FMN1: variants seen among roughly 807,000 people sequenced by gnomAD.
The protein encoded by FMN1 is formin 1, also known as formin-1.
Under a neutral mutation model 132.4 loss-of-function variants are expected in FMN1, and 110 were observed. The ratio of observed to expected loss-of-function variants is 0.83; its 90% confidence interval spans 0.71 to 0.97. FMN1 has a LOEUF of 0.97. Among genes scored for constraint, FMN1 ranks in the 50% least tolerant of loss-of-function variants. The pLI, the probability that FMN1 is intolerant of heterozygous loss-of-function variation, is 0.00. For missense variants in FMN1, 1,792 were observed against 1,705.3 expected, an observed-to-expected ratio of 1.05 and a Z score of -0.90; for synonymous variants, 722 against 651.7, an observed-to-expected ratio of 1.11 and a Z score of -1.64.
At chr15:33,169,015 T>C (rs1246544049) in intron 3 of FMN1, among the ~76,000 whole-genome samples, 1 of 152,194 alleles carries the variant, frequency 6.6e-6, no homozygotes, top group Admixed American at 6.5e-5. Context: ...CGATACTTTA[T>C]ACAAAAATCT....
At chr15:33,102,216 G>T (rs538548078) in intron 4 of FMN1, among the ~76,000 whole-genome samples, 3 of 152,050 alleles carry the variant, frequency 2.0e-5, no homozygotes, top group South Asian at 2.1e-4. Context: ...CTGTGTCTTT[G>T]TAAGTATTAC....
intron 7 of FMN1, among the ~76,000 whole-genome samples, chr15:32,976,915 T>C (rs958143688): frequency 9.2e-5 from 14 of 152,200 alleles, no homozygotes; most frequent in African/African-American, 3.4e-4. Flanking sequence ...TATGCTAGCC[T>C]TCATCCTTGT....
Position 32,770,018 on chromosome 15 carries a change from G to A in FMN1, c.*4292C>T, listed in dbSNP as rs1487951446. The A allele has an allele frequency of 1.3e-5, 2 of 152,132 alleles. No individual in the cohort carries two copies. The highest frequency in any genetic ancestry group is 2.1e-4 in the South Asian group (1 of 4,830). 9.4% of individuals were successfully genotyped at this position (152,132 alleles called of 1,614,324 possible). On this transcript the variant is annotated 3_prime_UTR_variant, in exon 21 of 21. Transcript: ENST00000616417. The stretch of plus-strand genomic sequence containing the variant: ...CAATTTAAACTGTTTTATAAAATCA[G>A]ATATTTAATATTTGGATCAGATATG...
At chr15:32,845,568 C>T (rs541701003) in intron 17 of FMN1, among the ~76,000 whole-genome samples, 19 of 152,228 alleles carry the variant, frequency 1.2e-4, no homozygotes, top group Middle Eastern at 3.4e-3. Context: ...ACAGTAACAA[C>T]GCTGGGATTG....
chr15:33,073,311 A>C (rs2038069636), intron 5 of FMN1, among the ~76,000 whole-genome samples: 1 of 152,214 alleles, frequency 6.6e-6, no homozygotes, highest in South Asian at 2.1e-4. Flanking sequence ...TTTAATGACA[A>C]ATTGCTTCTA....
chr15:33,068,096 A>G, intron 5 of FMN1: 1 of 1,313,672 alleles, frequency 7.6e-7, no homozygotes, highest in South Asian at 1.7e-5. Flanking sequence ...GGCAACTGTG[A>G]AAAATCTGTG....
chr15:32,795,252 G>C (rs751135197), intron 19 of FMN1, among the ~76,000 whole-genome samples: 28 of 152,116 alleles, frequency 1.8e-4, no homozygotes, highest in Non-Finnish European at 3.8e-4. Context: ...GTGAGGCAAG[G>C]TAGCTATAGA....
intron 17 of FMN1, among the ~76,000 whole-genome samples, chr15:32,835,129 G>A (rs1267208490): frequency 6.6e-6 from 1 of 152,046 alleles, no homozygotes; most frequent in Non-Finnish European, 1.5e-5. Context: ...TAGTGAGCAG[G>A]CCCATGAGGA....
intron 17 of FMN1, among the ~76,000 whole-genome samples, chr15:32,814,419 C>T (rs73386832): frequency 0.017 from 2,553 of 152,232 alleles, 83 homozygotes; most frequent in African/African-American, 0.058. Flanking sequence ...TCATTTCCAA[C>T]GGGAAGGGTC....
chr15:32,817,202 T>C (rs1171287066), intron 17 of FMN1, among the ~76,000 whole-genome samples: 2 of 152,208 alleles, frequency 1.3e-5, no homozygotes, highest in South Asian at 2.1e-4. Flanking sequence ...TGTTTAGTCA[T>C]AAAAATGAAT....
intron 17 of FMN1, chr15:32,837,006 G>A: frequency 4.5e-6 from 1 of 223,374 alleles, no homozygotes. Flanking sequence ...CATTCCAATT[G>A]TCTCCTGGGA....
At chr15:32,923,257 T>G (rs975896568) in intron 10 of FMN1, among the ~76,000 whole-genome samples, 5 of 152,172 alleles carry the variant, frequency 3.3e-5, no homozygotes, top group Admixed American at 3.3e-4. Context: ...TAAAATAAAC[T>G]TTTTAGGCCA....
intron 5 of FMN1, among the ~76,000 whole-genome samples, chr15:33,083,322 AG>A (rs1315117280): frequency 6.6e-6 from 1 of 152,200 alleles, no homozygotes; most frequent in Non-Finnish European, 1.5e-5. Context: ...TATTGGTGAA[AG>A]GGGCATCTTT....
At chr15:33,171,711 T>C (rs1965328240) in intron 3 of FMN1, among the ~76,000 whole-genome samples, 2 of 152,204 alleles carry the variant, frequency 1.3e-5, no homozygotes, top group African/African-American at 4.8e-5. Flanking sequence ...TCAGTCTTAA[T>C]TTCCTTCCCA....
chr15:33,076,597 ATGCAAGTTTTCT>A (rs1221119688), intron 5 of FMN1, among the ~76,000 whole-genome samples: 1 of 152,160 alleles, frequency 6.6e-6, no homozygotes, highest in East Asian at 1.9e-4. Context: ...TCGGTTCTTT[ATGCAAGTTTTCT>A]TGCAGCCTCA....
chr15:33,186,147 C>G (rs1199940881), intron 2 of FMN1, among the ~76,000 whole-genome samples: 1 of 151,528 alleles, frequency 6.6e-6, no homozygotes, highest in Non-Finnish European at 1.5e-5. Context: ...AAGGAAGCCT[C>G]ATGGCCTTCC....
chr15:33,050,165 C>T (rs896065486), intron 6 of FMN1, among the ~76,000 whole-genome samples: 2 of 152,108 alleles, frequency 1.3e-5, no homozygotes, highest in Non-Finnish European at 2.9e-5. Context: ...GTAGGTTAGG[C>T]GTATAACGTG....
At chr15:33,119,805 G>T (rs1055086535) in intron 4 of FMN1, among the ~76,000 whole-genome samples, 7 of 152,096 alleles carry the variant, frequency 4.6e-5, no homozygotes, top group Admixed American at 1.3e-4. Context: ...GATTTTGAAA[G>T]CCAGTCTTCT....
chr15:32,980,006 GA>G (rs1170958725), intron 7 of FMN1, among the ~76,000 whole-genome samples: 1 of 152,150 alleles, frequency 6.6e-6, no homozygotes, highest in Non-Finnish European at 1.5e-5. Context: ...AGTCACTTGA[GA>G]AATCTGCCAT....
Sources: gnomAD v4.1 joint callset for allele counts (sites outside exome capture counted in the v4.1 genomes callset) on GRCh38, gnomAD v4.1.1 for gene constraint, MANE v1.5 for transcripts, NCBI Gene and HGNC (gene_info 2026-07-23, HGNC 2026-07-21) for gene names.